The following UBFD1 variants were observed in gnomAD, a reference collection of about 807,000 sequenced individuals.
UBFD1 encodes the protein ubiquitin family domain containing 1, also known as ubiquitin domain-containing protein UBFD1.
Under a neutral mutation model 35.1 loss-of-function variants are expected in UBFD1, and 12 were observed. The ratio of observed to expected loss-of-function variants is 0.34; its 90% CI spans 0.22 to 0.55. The LOEUF (loss-of-function observed/expected upper bound fraction) is 0.55. Among genes scored for constraint, UBFD1 ranks in the 20% least tolerant of loss-of-function variants. The pLI, the probability that UBFD1 is intolerant of heterozygous loss-of-function variation, is 0.89. For synonymous variants in UBFD1, 178 were observed against 167.6 expected, an observed-to-expected ratio of 1.06 and a Z score of -0.48; for missense variants, 337 against 410.8, an observed-to-expected ratio of 0.82 and a Z score of 1.55.
Position 23,570,624 on chromosome 16 carries a change from C to G in UBFD1, c.*34C>G, listed in dbSNP as rs748818635. ...TCACCTCTGGCCCAGGAGACTGACC[C>G]AAAGTGAAGGACATTGCCGGGAGAG... On this transcript the variant is annotated 3_prime_UTR_variant, in exon 7 of 7. Transcript: ENST00000395878. 1 of 1,560,694 alleles carries G rather than the reference C, an allele frequency of 6.4e-7. No individual in the cohort carries two copies. The highest frequency in any genetic ancestry group is 8.8e-7 in the Non-Finnish European group (1 of 1,132,072).
At chr16:23,562,364 CT>C in intron 4 of UBFD1, 93 bp downstream of exon 4, 1 of 1,247,986 alleles carries the variant, frequency 8.0e-7, no homozygotes, top group South Asian at 1.4e-5. Flanking sequence ...TCTTTTTTCC[CT>C]GTTTTTTTTT....
At chr16:23,558,867 G>A (rs1397632103) in intron 2 of UBFD1, among the ~76,000 whole-genome samples, 1 of 149,802 alleles carries the variant, frequency 6.7e-6, no homozygotes, top group Non-Finnish European at 1.5e-5. Context: ...TGCAGCCTCC[G>A]CCTCCCAGGT....
intron 3 of UBFD1, 156 bp from the exon 4 acceptor site, chr16:23,562,050 A>C: frequency 3.2e-6 from 2 of 630,420 alleles, no homozygotes; most frequent in Non-Finnish European, 2.8e-6. Context: ...TCTGCTGGAC[A>C]GCACTGTGCT....
intron 6 of UBFD1, 87 bp downstream of exon 6, chr16:23,567,156 G>A (rs751326693): frequency 7.7e-7 from 1 of 1,293,674 alleles, no homozygotes; most frequent in African/African-American, 1.5e-5. Context: ...TTGTTTAACG[G>A]AAGAAAACTC....
chr16:23,560,122 C>A (rs567416939), intron 3 of UBFD1, among the ~76,000 whole-genome samples: 3 of 152,152 alleles, frequency 2.0e-5, no homozygotes, highest in African/African-American at 7.2e-5. Context: ...TAAAGCTGAC[C>A]GTTTCAGGAA....
At chr16:23,562,299 T>G in intron 4 of UBFD1, 28 bp downstream of exon 4, 7 of 1,607,752 alleles carry the variant, frequency 4.4e-6, no homozygotes, top group Non-Finnish European at 6.0e-6. Flanking sequence ...GTGAGCATTC[T>G]GAAAATGAGG....
intron 6 of UBFD1, among the ~76,000 whole-genome samples, chr16:23,569,927 A>T (rs1966061414): frequency 6.6e-6 from 1 of 152,244 alleles, no homozygotes; most frequent in South Asian, 2.1e-4. Context: ...GACCCAGTTG[A>T]TACCTCTTTA....
intron 3 of UBFD1, chr16:23,559,899 GATAAGACCTTGGTAA>G: frequency 1.4e-5 from 21 of 1,519,220 alleles, no homozygotes; most frequent in Non-Finnish European, 1.8e-5. Context: ...CCTACTTTAG[GATAAGACCTTGGTAA>G]AGGGAGGCTT....
At chr16:23,567,199 G>T (rs940678421) in intron 6 of UBFD1, 130 bp downstream of exon 6, 8 of 801,712 alleles carry the variant, frequency 1.0e-5, no homozygotes, top group Non-Finnish European at 1.4e-5. Context: ...TTAAGACCCT[G>T]ATGTTTTCTT....
intron 2 of UBFD1, among the ~76,000 whole-genome samples, chr16:23,558,485 C>A (rs530964359): frequency 1.3e-5 from 2 of 152,154 alleles, no homozygotes; most frequent in South Asian, 2.1e-4. Context: ...GGGATTAAAG[C>A]CGAAGTCTGA....
Position 23,571,786 on chromosome 16 carries a change from T to C in UBFD1, c.*1196T>C, listed in dbSNP as rs140021657. ...AACAACAAAAATGGGATAAATTGCT[T>C]TCATGATTAGCTCACCTTCTTCTGG... is the stretch of plus-strand genomic sequence containing the variant. On this transcript the variant is annotated 3_prime_UTR_variant, in exon 7 of 7. Transcript: ENST00000395878. The C allele has an allele frequency of 1.3e-5, 2 of 152,808 alleles. No homozygotes were observed. The highest frequency in any genetic ancestry group is 1.9e-4 in the East Asian group (1 of 5,194). The allele number at this position is 152,808 out of a possible 1,614,324, so 9.5% of individuals were successfully genotyped here. A position where few individuals can be genotyped will look rare whatever the true frequency, so the allele number is the denominator to read the frequency against.
rs1966125602 is a variant in UBFD1, at chr16:23,574,359, A to G, written c.*3769A>G. 6.6e-6 allele frequency: 1 copy of G among 152,522 alleles called. No homozygotes were observed. The highest frequency in any genetic ancestry group is 1.5e-5 in the Non-Finnish European group (1 of 68,034). The allele number at this position is 152,522 out of a possible 1,614,324, so 9.4% of individuals were successfully genotyped here. On this transcript the variant is annotated 3_prime_UTR_variant, in exon 7 of 7. Transcript: ENST00000395878. The stretch of plus-strand genomic sequence containing the variant: ...GCTGTCTTATTGTTTATCCTGTAAG[A>G]TTAGTCAATCGATTAAAGTTTGATA...
At chr16:23,566,725 T>A in intron 5 of UBFD1, 2 of 358,500 alleles carry the variant, frequency 5.6e-6, no homozygotes, top group Non-Finnish European at 5.1e-6. Flanking sequence ...CCAGGGAAGA[T>A]ACAATTCTGC....
Position 23,562,746 on chromosome 16 carries a change from C to A in UBFD1, c.736+16C>A. ...GGCACTAAAGGTATGTTCTTCCTCG[C>A]CTCCTTGCTGGCCCACTGCCTGCCT... On this transcript the variant is annotated intron_variant, in intron 5 of 6. Coordinates refer to ENST00000395878, the MANE Select transcript of UBFD1 (RefSeq NM_019116.3). The A allele has an allele frequency of 6.2e-7, 1 of 1,610,192 alleles. No homozygotes were observed. The highest frequency in any genetic ancestry group is 8.5e-7 in the Non-Finnish European group (1 of 1,176,710).
At chr16:23,562,586 A>G (rs1185515710) in intron 4 of UBFD1, 39 bp from the exon 5 acceptor site, 5 of 1,590,434 alleles carry the variant, frequency 3.1e-6, no homozygotes, top group Non-Finnish European at 4.3e-6. Flanking sequence ...TTTTTTTCTG[A>G]CTGTCCCTCC....
At chr16:23,559,717 G>A (rs1034595860) in intron 3 of UBFD1, 41 bp downstream of exon 3, 4 of 1,612,914 alleles carry the variant, frequency 2.5e-6, no homozygotes, top group Admixed American at 3.3e-5. Context: ...GAAATTTGAG[G>A]CTTTGTCCTC....
rs763318143 is a variant in UBFD1 at position 23,557,747 on chromosome 16, C to T, written c.5C>T (p.Ala2Val). The T allele has an allele frequency of 3.0e-6, 4 of 1,313,010 alleles. No homozygotes were observed. The highest frequency in any genetic ancestry group is 2.9e-5 in the South Asian group (1 of 34,868). 81.3% of individuals were successfully genotyped at this position (1,313,010 alleles called of 1,614,324 possible). A position where few individuals can be genotyped will look rare whatever the true frequency, so the allele number is the denominator to read the frequency against. MAAAGAPDGMEE... is the reference protein window; with the variant it reads MVAAGAPDGMEE... ...TGGGTGTTGTACACAATCATCATGG[C>T]GGCGGCCGGGGCCCCGGATGGTGAG... is the stretch of plus-strand genomic sequence containing the variant. The change falls in exon 1 of 7, where the codon GCG (alanine) becomes GTG (valine). Residue 2 changes from alanine (A) to valine (V), a missense_variant. Around this residue, in one of 4 missense-constraint regions of UBFD1, gnomAD observed 198 missense variants for 168.4 expected, o/e 1.18. Coordinates refer to ENST00000395878, the MANE Select transcript of UBFD1 (RefSeq NM_019116.3).
chr16:23,565,283 C>G (rs1555506155), intron 5 of UBFD1: 1 of 152,192 alleles, frequency 6.6e-6, no homozygotes, highest in Non-Finnish European at 1.5e-5. Context: ...TGACTAAACT[C>G]TGCTAGCTTG....
chr16:23,557,768 G>C lies in UBFD1; in HGVS notation c.25+1G>C. 7.7e-7 allele frequency: 1 copy of C among 1,295,338 alleles called. No homozygotes were observed. The highest frequency in any genetic ancestry group is 9.8e-7 in the Non-Finnish European group (1 of 1,021,488). 80.2% of individuals were successfully genotyped at this position (1,295,338 alleles called of 1,614,324 possible). On this transcript the variant is annotated splice_donor_variant, in intron 1 of 6. Transcript: ENST00000395878. LOFTEE classifies it high-confidence loss of function. ...ATGGCGGCGGCCGGGGCCCCGGATG[G>C]TGAGTGCGGCGGGGGTGGCGGGCGC...
Sources: gnomAD v4.1 joint callset for allele counts (sites outside exome capture counted in the v4.1 genomes callset) on GRCh38, gnomAD v4.1.1 for gene constraint, gnomAD v4.1.1 regional missense constraint, MANE v1.5 for transcripts, NCBI Gene and HGNC (gene_info 2026-07-23, HGNC 2026-07-21) for gene names.